The following ARHGAP21 variants were observed in gnomAD, a reference collection of about 807,000 sequenced individuals.
The protein encoded by ARHGAP21 is Rho GTPase activating protein 21.
Under a neutral mutation model 164.6 loss-of-function variants are expected in ARHGAP21, and 38 were observed. The ratio of observed to expected loss-of-function variants is 0.23; its 90% CI spans 0.18 to 0.30. ARHGAP21 has a LOEUF of 0.30. ARHGAP21 is among the 10% of genes least tolerant of loss of function. The pLI, the probability that ARHGAP21 is intolerant of heterozygous loss-of-function variation, is 1.00. For synonymous variants in ARHGAP21, 766 were observed against 857.9 expected (o/e 0.89, Z 1.87); for missense variants, 1,822 against 2,370.7 (o/e 0.77, Z 4.81).
At chr10:24,712,141 C>T (rs947231104) in intron 2 of ARHGAP21, among the ~76,000 whole-genome samples, 2 of 152,136 alleles carry the variant, frequency 1.3e-5, no homozygotes, top group Non-Finnish European at 2.9e-5. Flanking sequence ...GTCTCGAACT[C>T]CTGACCTCAA....
At chr10:24,588,584 C>G (rs2076203141) in intron 25 of ARHGAP21, among the ~76,000 whole-genome samples, 1 of 152,072 alleles carries the variant, frequency 6.6e-6, no homozygotes, top group Non-Finnish European at 1.5e-5. Flanking sequence ...TGTCTCATTA[C>G]AAAATATAAC....
chr10:24,584,867 T>C lies in ARHGAP21; in HGVS notation c.5422A>G (p.Arg1808Gly), dbSNP rs1386569512. 4 of 1,613,996 alleles carry C rather than the reference T, an allele frequency of 2.5e-6. No homozygotes were observed. The highest frequency in any genetic ancestry group is 1.7e-4 in the Middle Eastern group (1 of 6,056). Residue 1808 changes from arginine (R) to glycine (G), a missense_variant, in exon 26 of 26, where the codon AGA (arginine) becomes GGA (glycine). Physicochemically the swap from Arg to Gly is moderately radical, Grantham distance 125 (BLOSUM62 -2). Coordinates refer to ENST00000396432, the MANE Select transcript of ARHGAP21 (RefSeq NM_020824.4). ...AAAACGCTGATTTCGGTAGCATCTC[T>C]GTGCCCTCCTAGTGTATGTCTGCGC... ...IRRRHTLGGH[R>G]DATEISVLNF... is the part of the protein sequence containing the mutation.
chr10:24,721,311 C>T (rs1329230852), intron 2 of ARHGAP21, among the ~76,000 whole-genome samples: 1 of 152,168 alleles, frequency 6.6e-6, no homozygotes, highest in Non-Finnish European at 1.5e-5. Flanking sequence ...AAACTATTCA[C>T]GGAAAAACAC....
intron 2 of ARHGAP21, among the ~76,000 whole-genome samples, chr10:24,677,627 C>T (rs1565148989): frequency 6.6e-6 from 1 of 152,110 alleles, no homozygotes; most frequent in Non-Finnish European, 1.5e-5. Flanking sequence ...AAGCCCCAAG[C>T]GACTGCAAAA....
chr10:24,681,696 A>T (rs556042189), intron 2 of ARHGAP21, among the ~76,000 whole-genome samples: 1 of 152,182 alleles, frequency 6.6e-6, no homozygotes, highest in African/African-American at 2.4e-5. Flanking sequence ...TTAAAGTAAA[A>T]TTTCGTTCCT....
intron 2 of ARHGAP21, among the ~76,000 whole-genome samples, chr10:24,720,710 A>G (rs1279524362): frequency 6.6e-6 from 1 of 152,214 alleles, no homozygotes; most frequent in Non-Finnish European, 1.5e-5. Flanking sequence ...TTAAAATGCC[A>G]AAACTCACAC....
At chr10:24,666,896 A>T (rs1840247902) in intron 4 of ARHGAP21, 89 bp downstream of exon 4, 1 of 979,000 alleles carries the variant, frequency 1.0e-6, no homozygotes, top group South Asian at 1.5e-5. Context: ...AACACCAAAA[A>T]TTATATCATC....
intron 9 of ARHGAP21, among the ~76,000 whole-genome samples, chr10:24,619,045 T>G (rs996842312): frequency 2.0e-5 from 3 of 152,202 alleles, no homozygotes; most frequent in African/African-American, 7.2e-5. Context: ...GTCTTTTCTC[T>G]CAGTACACGT....
intron 21 of ARHGAP21, among the ~76,000 whole-genome samples, chr10:24,593,885 T>C (rs536443902): frequency 6.6e-6 from 1 of 152,292 alleles, no homozygotes; most frequent in Non-Finnish European, 1.5e-5. Flanking sequence ...TCTTTTTTTT[T>C]TTCTAACCAT....
intron 12 of ARHGAP21, 100 bp from the exon 13 acceptor site, chr10:24,602,203 A>G (rs1415295847): frequency 4.4e-6 from 6 of 1,349,522 alleles, no homozygotes; most frequent in Non-Finnish European, 6.0e-6. Context: ...TAATGTTTCA[A>G]GTGAAGGGCT....
At chr10:24,625,383 G>A (rs992329340) in intron 7 of ARHGAP21, among the ~76,000 whole-genome samples, 1 of 150,178 alleles carries the variant, frequency 6.7e-6, no homozygotes, top group African/African-American at 2.5e-5. Flanking sequence ...ACCTTTAACA[G>A]GTTATTAATT....
At chr10:24,685,548 C>A (rs767272230) in intron 2 of ARHGAP21, among the ~76,000 whole-genome samples, 18 of 152,066 alleles carry the variant, frequency 1.2e-4, no homozygotes, top group Non-Finnish European at 2.2e-4. Context: ...TGCAACAAAC[C>A]TCTTTCTTTT....
chr10:24,681,520 A>G (rs1454170974), intron 2 of ARHGAP21, among the ~76,000 whole-genome samples: 1 of 152,212 alleles, frequency 6.6e-6, no homozygotes, highest in Non-Finnish European at 1.5e-5. Context: ...TCCAGGAATC[A>G]TTCATAAGAC....
At chr10:24,603,040 T>A (rs963215796) in intron 12 of ARHGAP21, among the ~76,000 whole-genome samples, 3 of 152,172 alleles carry the variant, frequency 2.0e-5, no homozygotes, top group Non-Finnish European at 2.9e-5. Context: ...AACATCCAAG[T>A]GACGGCAGCT....
At chr10:24,666,543 T>C (rs1202197250) in intron 4 of ARHGAP21, among the ~76,000 whole-genome samples, 1 of 152,210 alleles carries the variant, frequency 6.6e-6, no homozygotes, top group Non-Finnish European at 1.5e-5. Flanking sequence ...GATTGTCCTT[T>C]TACGTTCATT....
Position 24,585,889 on chromosome 10 carries a change from C to G in ARHGAP21, c.4400G>C (p.Arg1467Thr), listed in dbSNP as rs1032427124. The change falls in exon 26 of 26, where the codon AGA (arginine) becomes ACA (threonine). Residue 1467 changes from arginine (R) to threonine (T), a missense_variant. Arg to Thr is a moderately conservative substitution (Grantham distance 71). Around this residue, in one of 5 missense-constraint regions of ARHGAP21, gnomAD observed 333 missense variants for 383.9 expected, o/e 0.87. Transcript: ENST00000396432. ...ESKKESETLG[R>T]KQKIIIAKEN... ...TTTGGCAATGATGATCTTCTGTTTTCTGCCCAGTGTCTCACTTTCTTTTTT... is the reference window on the plus strand; with the variant it reads ...TTTGGCAATGATGATCTTCTGTTTTGTGCCCAGTGTCTCACTTTCTTTTTT... 1 of 1,614,014 alleles carries G rather than the reference C, an allele frequency of 6.2e-7. No individual in the cohort carries two copies. The highest frequency in any genetic ancestry group is 8.5e-7 in the Non-Finnish European group (1 of 1,179,920).
At chr10:24,642,309 A>C (rs1482522807) in intron 4 of ARHGAP21, among the ~76,000 whole-genome samples, 2 of 151,764 alleles carry the variant, frequency 1.3e-5, no homozygotes, top group Non-Finnish European at 2.9e-5. Context: ...AGGTCAGGAG[A>C]TCGAGACCAT....
intron 2 of ARHGAP21, among the ~76,000 whole-genome samples, chr10:24,707,538 A>C (rs771221639): frequency 6.6e-6 from 1 of 152,168 alleles, no homozygotes; most frequent in Non-Finnish European, 1.5e-5. Context: ...CTGCGTGACT[A>C]AACACTTGCT....
At chr10:24,602,760 C>T (rs761259779) in intron 12 of ARHGAP21, among the ~76,000 whole-genome samples, 1 of 151,980 alleles carries the variant, frequency 6.6e-6, no homozygotes. Flanking sequence ...TAAAGGGACA[C>T]GCGTGAAAAG....
Sources: gnomAD v4.1 joint callset for allele counts (sites outside exome capture counted in the v4.1 genomes callset) on GRCh38, gnomAD v4.1.1 for gene constraint, gnomAD v4.1.1 regional missense constraint, MANE v1.5 for transcripts, NCBI Gene and HGNC (gene_info 2026-07-23, HGNC 2026-07-21) for gene names.